The following NTN1 variants were observed in gnomAD, a reference collection of about 807,000 sequenced individuals.
NTN1 encodes netrin-1.
A neutral mutation model predicts 54.2 loss-of-function variants in NTN1; 11 were observed. The observed-to-expected ratio is 0.20, with a 90% CI of 0.13 to 0.34. NTN1 has a LOEUF of 0.34. NTN1 is among the 10% of genes least tolerant of loss of function. The pLI is 1.00. For synonymous variants in NTN1, 371 were observed against 382.0 expected, an observed-to-expected ratio of 0.97 and a Z score of 0.33; for missense variants, 740 against 893.1, an observed-to-expected ratio of 0.83 and a Z score of 2.18.
chr17:9,197,919 A>G (rs572012001), intron 5 of NTN1, among the ~76,000 whole-genome samples: 23 of 152,314 alleles, frequency 1.5e-4, no homozygotes, highest in East Asian at 7.7e-4. Flanking sequence ...AGTAGCTTCT[A>G]TCTTCACCAG....
intron 2 of NTN1, among the ~76,000 whole-genome samples, chr17:9,126,569 A>G (rs757986783): frequency 6.6e-6 from 1 of 152,146 alleles, no homozygotes; most frequent in Non-Finnish European, 1.5e-5. Flanking sequence ...GGGCACATCA[A>G]AGGAGTTTGA....
chr17:9,156,677 C>T lies in NTN1; in HGVS notation c.1019-6136C>T, dbSNP rs138059749. Among the ~76,000 whole-genome samples, 8 of 152,264 alleles carry T rather than the reference C, an allele frequency of 5.3e-5. No individual in the cohort carries two copies. The East Asian group carries it at 1.5e-3, about 29-fold the overall frequency. ...ACTACTTAGAGTTCCAGGAAGAGTC[C>T]AGGGGACTTAGATGTGGGTTTTTCT... On this transcript the variant is annotated intron_variant, in intron 2 of 6. Coordinates refer to ENST00000173229, the MANE Select transcript of NTN1 (RefSeq NM_004822.3).
chr17:9,173,617 C>T (rs2092393054), intron 3 of NTN1: 1 of 152,342 alleles, frequency 6.6e-6, no homozygotes, highest in Admixed American at 6.5e-5. Context: ...TGGCGTCCAC[C>T]TATGCAGACT....
chr17:9,009,342 G>A, the NTN1 span, among the ~76,000 whole-genome samples: 1 of 152,204 alleles, frequency 6.6e-6, no homozygotes, highest in Non-Finnish European at 1.5e-5. Context: ...GCAGGTGCTT[G>A]GCCAGAGGCT....
At chr17:9,076,068 C>A (rs994208172) in intron 2 of NTN1, among the ~76,000 whole-genome samples, 1 of 152,166 alleles carries the variant, frequency 6.6e-6, no homozygotes, top group Non-Finnish European at 1.5e-5. Flanking sequence ...GGAGGTGATT[C>A]CCCATGGTCC....
At chr17:9,203,326 C>T (rs532596630) in intron 5 of NTN1, among the ~76,000 whole-genome samples, 2 of 152,322 alleles carry the variant, frequency 1.3e-5, no homozygotes, top group South Asian at 4.1e-4. Flanking sequence ...GTTTGAACCT[C>T]TTACTGCCTA....
At chr17:9,024,397 AATT>A (rs2091863488) in intron 2 of NTN1, among the ~76,000 whole-genome samples, 2 of 152,170 alleles carry the variant, frequency 1.3e-5, no homozygotes, top group Non-Finnish European at 2.9e-5. Flanking sequence ...TTTGAGCGAA[AATT>A]ATTTAGTCTG....
intron 5 of NTN1, among the ~76,000 whole-genome samples, chr17:9,195,207 CTCCACCCT>C (rs1904597013): frequency 6.6e-6 from 1 of 151,800 alleles, no homozygotes; most frequent in Admixed American, 6.6e-5. Flanking sequence ...CCCTCCACCC[CTCCACCCT>C]GGGCCTCCAT....
chr17:9,082,962 G>A (rs183039094), intron 2 of NTN1, among the ~76,000 whole-genome samples: 19 of 152,218 alleles, frequency 1.2e-4, no homozygotes, highest in African/African-American at 4.6e-4. Context: ...GGAAGCTAAC[G>A]TAAGCTTCGA....
In NTN1 at chr17:9,022,858, A is replaced by G. The variant is rs769551467; in HGVS notation, c.485A>G (p.Tyr162Cys). 1.6e-5 allele frequency: 26 copies of G among 1,611,682 alleles called. No individual in the cohort carries two copies. The highest frequency in any genetic ancestry group is 2.7e-5 in the African/African-American group (2 of 74,810). Residue 162 changes from tyrosine to cysteine, a missense_variant, in exon 2 of 7, where the codon TAC becomes TGC. Physicochemically the swap from Tyr to Cys is radical, Grantham distance 194. Coordinates refer to ENST00000173229, the MANE Select transcript of NTN1 (RefSeq NM_004822.3). ...CCGCGGCCCGAGTCCATGGCCATCT[A>G]CAAGTCCATGGACTACGGGCGCACG... is the stretch of plus-strand genomic sequence containing the variant. ...CSPRPESMAI[Y>C]KSMDYGRTWV...
chr17:9,056,518 G>A (rs1370943271), intron 2 of NTN1, among the ~76,000 whole-genome samples: 1 of 152,230 alleles, frequency 6.6e-6, no homozygotes, highest in Non-Finnish European at 1.5e-5. Context: ...CAAAGCAGAA[G>A]CAGGGAAGGA....
intron 5 of NTN1, among the ~76,000 whole-genome samples, chr17:9,189,325 C>G (rs547336012): frequency 7.2e-5 from 11 of 152,296 alleles, no homozygotes; most frequent in Admixed American, 2.0e-4. Context: ...GTGCTGTTGG[C>G]CACCATGCCA....
At chr17:9,016,307 C>T in the NTN1 span, among the ~76,000 whole-genome samples, 9 of 152,008 alleles carry the variant, frequency 5.9e-5, no homozygotes, top group East Asian at 1.9e-4. Context: ...GCACCGTGGC[C>T]GTCTCGTCTC....
chr17:9,236,527 GGT>G (rs1209108668), intron 6 of NTN1, among the ~76,000 whole-genome samples: 5 of 152,196 alleles, frequency 3.3e-5, no homozygotes, highest in African/African-American at 1.2e-4. Flanking sequence ...AATGTGTAGA[GGT>G]GTTGCCAAGG....
chr17:9,145,850 AG>A (rs1402884178), intron 2 of NTN1, among the ~76,000 whole-genome samples: 1 of 142,046 alleles, frequency 7.0e-6, no homozygotes, highest in East Asian at 2.1e-4. Context: ...CCCAGGAGGC[AG>A]GGGTTGCAGT....
intron 5 of NTN1, among the ~76,000 whole-genome samples, chr17:9,191,961 C>T (rs940004846): frequency 2.1e-5 from 3 of 145,222 alleles, no homozygotes; most frequent in Non-Finnish European, 3.0e-5. Flanking sequence ...GGTGACAGAG[C>T]GAGACCCTGT....
At chr17:9,196,950 AT>A (rs1183805646) in intron 5 of NTN1, among the ~76,000 whole-genome samples, 4 of 152,108 alleles carry the variant, frequency 2.6e-5, no homozygotes, top group Admixed American at 2.0e-4. Flanking sequence ...CCAATTCTGC[AT>A]TCAGGGTGTC....
chr17:9,147,685 G>T (rs1339990036), intron 2 of NTN1, among the ~76,000 whole-genome samples: 1 of 152,094 alleles, frequency 6.6e-6, no homozygotes, highest in African/African-American at 2.4e-5. Context: ...CTACTTGAAG[G>T]TCTCCAGGGA....
chr17:9,072,043 G>A (rs1460608317), intron 2 of NTN1, among the ~76,000 whole-genome samples: 3 of 152,178 alleles, frequency 2.0e-5, no homozygotes, highest in Admixed American at 6.5e-5. Flanking sequence ...CCCGAGAGTC[G>A]GGAGGGAAGC....
Sources: gnomAD v4.1 joint callset for allele counts (sites outside exome capture counted in the v4.1 genomes callset) on GRCh38, gnomAD v4.1.1 for gene constraint, MANE v1.5 for transcripts, NCBI Gene and HGNC (gene_info 2026-07-23, HGNC 2026-07-21) for gene names.